JKAMP: variants seen among roughly 807,000 people sequenced by gnomAD.
JKAMP encodes JNK1/MAPK8 associated membrane protein.
In JKAMP, 20 loss-of-function variants were observed where a neutral mutation model predicts 40.2. The observed-to-expected ratio is 0.50, with a 90% CI of 0.35 to 0.72. The LOEUF (loss-of-function observed/expected upper bound fraction) is 0.72, where lower values mean the gene tolerates loss of function less well. Among genes scored for constraint, JKAMP ranks in the 30% least tolerant of loss-of-function variants. The probability of loss-of-function intolerance (pLI) is 0.01; values close to 1 mark genes in which losing one functional copy is unlikely to be tolerated. For missense variants in JKAMP, 276 were observed against 373.0 expected, an observed-to-expected ratio of 0.74 and a Z score of 2.14; for synonymous variants, 138 against 131.6, an observed-to-expected ratio of 1.05 and a Z score of -0.33.
At chr14:59,495,572 A>C (rs562574794) in intron 4 of JKAMP, among the ~76,000 whole-genome samples, 1 of 152,238 alleles carries the variant, frequency 6.6e-6, no homozygotes, top group African/African-American at 2.4e-5. Context: ...TTCTGTTAGA[A>C]TGTTTTGTTT....
chr14:59,485,444 T>G (rs1317381932), intron 1 of JKAMP: 3 of 224,010 alleles, frequency 1.3e-5, no homozygotes, highest in Non-Finnish European at 2.6e-5. Flanking sequence ...TTCAATGCTG[T>G]TTCTCTTTTT....
Position 59,505,386 on chromosome 14 carries a change from T to C in JKAMP, c.*1314T>C. ...ACATTTGGGGGGTTATTAGTGTTCA[T>C]TAAAATTCTGAGTTGCCCAAAGAAT... On this transcript the variant is annotated 3_prime_UTR_variant, in exon 7 of 7. Transcript: ENST00000616435. 5 of 814,254 alleles carry C rather than the reference T, an allele frequency of 6.1e-6. No homozygotes were observed. The highest frequency in any genetic ancestry group is 9.1e-6 in the Non-Finnish European group (5 of 552,290). 50.4% of individuals were successfully genotyped at this position (814,254 alleles called of 1,614,324 possible). A position where few individuals can be genotyped will look rare whatever the true frequency, so the allele number is the denominator to read the frequency against.
In JKAMP at chr14:59,486,792, T is replaced by C. The variant is rs1338102355; in HGVS notation, c.84T>C (p.Tyr28=). The C allele has an allele frequency of 6.4e-7, 1 of 1,563,980 alleles. No homozygotes were observed. The highest frequency in any genetic ancestry group is 2.3e-5 in the East Asian group (1 of 43,956). The change falls in exon 2 of 7, where the codon TAT becomes TAC. Residue 28 remains tyrosine (Y), a synonymous_variant. Transcript: ENST00000616435. ...TTAAAAATGGCTCAACTGAAATATA[T>C]GGAGAATGTGGGGTAAGTCTTATGT... ...LLFKNGSTEI[Y]GECGVCPRGQ...
chr14:59,493,213 C>T (rs2139880693), intron 3 of JKAMP, among the ~76,000 whole-genome samples: 1 of 152,298 alleles, frequency 6.6e-6, no homozygotes, highest in South Asian at 2.1e-4. Context: ...CAGAAATTCA[C>T]ACCTGCATGC....
In JKAMP at chr14:59,501,142, T is replaced by C. The variant is rs750124157; in HGVS notation, c.641-49T>C. On this transcript the variant is annotated intron_variant, in intron 5 of 6. Transcript: ENST00000616435. ...TATTTGAATTTATTTGATGGTTTATTGAGAAAATTTGTTTCATTTCCAACA... is the reference window on the plus strand; with the variant it reads ...TATTTGAATTTATTTGATGGTTTATCGAGAAAATTTGTTTCATTTCCAACA... 2.0e-5 allele frequency: 23 copies of C among 1,145,772 alleles called. No homozygotes were observed. The South Asian group carries it at 3.1e-4, about 15-fold the overall frequency. 71.0% of individuals were successfully genotyped at this position (1,145,772 alleles called of 1,614,324 possible). A position where few individuals can be genotyped will look rare whatever the true frequency, so the allele number is the denominator to read the frequency against.
At chr14:59,485,176 T>G (rs1378277112) in intron 1 of JKAMP, 1 of 1,554,210 alleles carries the variant, frequency 6.4e-7, no homozygotes, top group Non-Finnish European at 8.7e-7. Context: ...GGCCTTGGAT[T>G]TTGAGAAACT....
intron 1 of JKAMP, chr14:59,484,813 T>C: frequency 1.1e-6 from 1 of 927,866 alleles, no homozygotes; most frequent in Non-Finnish European, 1.6e-6. Flanking sequence ...TGCGGCGAAA[T>C]GCCAGGTCTT....
chr14:59,504,012 G>C lies in JKAMP; in HGVS notation c.876G>C (p.Leu292Phe). 1 of 1,613,672 alleles carries C rather than the reference G, an allele frequency of 6.2e-7. No homozygotes were observed. The highest frequency in any genetic ancestry group is 8.5e-7 in the Non-Finnish European group (1 of 1,179,758). ...ALVPTPALFY[L>F]FTAKFTEPSR... is the part of the protein sequence containing the mutation. The stretch of plus-strand genomic sequence containing the variant: ...TACCTACACCAGCCCTTTTTTACTT[G>C]TTCACTGCAAAATTTACCGAACCTT... The change falls in exon 7 of 7, where the codon TTG (leucine) becomes TTC (phenylalanine). Residue 292 changes from leucine (L) to phenylalanine (F), a missense_variant. Transcript: ENST00000616435.
At chr14:59,493,998 T>G (rs1891231223) in intron 3 of JKAMP, among the ~76,000 whole-genome samples, 1 of 152,156 alleles carries the variant, frequency 6.6e-6, no homozygotes, top group South Asian at 2.1e-4. Flanking sequence ...CTGGGACAAC[T>G]GGCAATTCAA....
chr14:59,492,366 G>A (rs1178492100), intron 3 of JKAMP, among the ~76,000 whole-genome samples: 1 of 152,154 alleles, frequency 6.6e-6, no homozygotes, highest in African/African-American at 2.4e-5. Flanking sequence ...TGGAAAATCA[G>A]GTGCAAGAAG....
intron 1 of JKAMP, chr14:59,485,616 T>G (rs945324741): frequency 6.5e-6 from 1 of 153,100 alleles, no homozygotes; most frequent in African/African-American, 2.4e-5. Flanking sequence ...TTAATTCACA[T>G]GTAGACCGCA....
intron 5 of JKAMP, among the ~76,000 whole-genome samples, chr14:59,499,284 C>T (rs906350188): frequency 3.3e-5 from 5 of 151,712 alleles, no homozygotes; most frequent in African/African-American, 1.2e-4. Flanking sequence ...CCTCTCTTTG[C>T]ATTTGAAGTT....
intron 3 of JKAMP, among the ~76,000 whole-genome samples, chr14:59,489,631 C>T (rs752544369): frequency 3.3e-5 from 5 of 152,212 alleles, no homozygotes; most frequent in Non-Finnish European, 5.9e-5. Flanking sequence ...ACTGCCCTAC[C>T]CTTCAGTTTC....
Position 59,484,531 on chromosome 14 carries a change from C to T in JKAMP, c.-59C>T, listed in dbSNP as rs1890344694. 7 of 1,555,656 alleles carry T rather than the reference C, an allele frequency of 4.5e-6. No individual in the cohort carries two copies. Among genetic ancestry groups the T allele is most frequent in the Non-Finnish European group, 4.4e-6 (5 of 1,148,806 alleles). On this transcript the variant is annotated 5_prime_UTR_variant, in exon 1 of 7. Transcript: ENST00000616435. ...CCGAGCTCGCTGTGGCCCGGATGTT[C>T]GGTGCAGCTGCCAGATCCGCTGATC...
chr14:59,505,293 T>C lies in JKAMP; in HGVS notation c.*1221T>C, dbSNP rs1297356546. 1 of 1,501,388 alleles carries C rather than the reference T, an allele frequency of 6.7e-7. No homozygotes were observed. The allele number at this position is 1,501,388 out of a possible 1,614,324, so 93.0% of individuals were successfully genotyped here. ...ATTTAACCACTGGGAAATGAACCCT[T>C]GTACGAATGTGTTTCTTCTTCTCTG... On this transcript the variant is annotated 3_prime_UTR_variant, in exon 7 of 7. Coordinates refer to ENST00000616435, the MANE Select transcript of JKAMP (RefSeq NM_016475.5).
At chr14:59,491,823 C>T (rs1409894936) in intron 3 of JKAMP, among the ~76,000 whole-genome samples, 1 of 152,226 alleles carries the variant, frequency 6.6e-6, no homozygotes. Flanking sequence ...TTGCTGGTAG[C>T]AGCAGTGTTA....
At chr14:59,501,363 T>A (rs1265528535) in intron 6 of JKAMP, 96 bp downstream of exon 6, 3 of 757,562 alleles carry the variant, frequency 4.0e-6, no homozygotes, top group Non-Finnish European at 6.3e-6. Context: ...TACAACTAAT[T>A]GTTTTAGTAA....
chr14:59,502,867 T>C (rs1181008939), intron 6 of JKAMP, among the ~76,000 whole-genome samples: 1 of 147,426 alleles, frequency 6.8e-6, no homozygotes, highest in African/African-American at 2.5e-5. Context: ...TTCTCCTGCC[T>C]CAGCTTCCTG....
At chr14:59,502,160 ATTATAT>A (rs1359673641) in intron 6 of JKAMP, among the ~76,000 whole-genome samples, 2 of 152,146 alleles carry the variant, frequency 1.3e-5, no homozygotes, top group African/African-American at 4.8e-5. Context: ...TTCTAAAATA[ATTATAT>A]TTATTATTGT....
Sources: gnomAD v4.1 joint callset for allele counts (sites outside exome capture counted in the v4.1 genomes callset) on GRCh38, gnomAD v4.1.1 for gene constraint, MANE v1.5 for transcripts, NCBI Gene and HGNC (gene_info 2026-07-23, HGNC 2026-07-21) for gene names.